Variants in SPOCK3 observed in about 807,000 individuals in gnomAD.
SPOCK3 encodes testican-3.
In SPOCK3, 30 loss-of-function variants were observed where a neutral mutation model predicts 56.6. The observed-to-expected ratio is 0.53, with a 90% CI of 0.40 to 0.72. The LOEUF (loss-of-function observed/expected upper bound fraction) is 0.72, where lower values mean the gene tolerates loss of function less well. Ranked by LOEUF, SPOCK3 falls within the 30% of genes least tolerant of loss-of-function variation. SPOCK3 has a pLI of 0.00. For synonymous variants in SPOCK3, 196 were observed against 183.3 expected, an observed-to-expected ratio of 1.07 and a Z score of -0.56; for missense variants, 527 against 530.0, an observed-to-expected ratio of 0.99 and a Z score of 0.06.
intron 3 of SPOCK3, among the ~76,000 whole-genome samples, chr4:167,057,833 TA>T (rs1361685465): frequency 6.6e-6 from 1 of 152,050 alleles, no homozygotes; most frequent in East Asian, 1.9e-4. Context: ...CACACAATAA[TA>T]ATGGGAGCCT....
intron 2 of SPOCK3, among the ~76,000 whole-genome samples, chr4:167,180,869 GATA>G (rs1731395758): frequency 6.6e-6 from 1 of 152,098 alleles, no homozygotes; most frequent in African/African-American, 2.4e-5. Flanking sequence ...CCGATGAGGT[GATA>G]ATAAGTAGAT....
At chr4:167,198,221 C>T (rs886920112) in intron 2 of SPOCK3, among the ~76,000 whole-genome samples, 1 of 152,078 alleles carries the variant, frequency 6.6e-6, no homozygotes, top group African/African-American at 2.4e-5. Context: ...GTTATTAATA[C>T]TATCATAAAC....
Position 166,790,240 on chromosome 4 carries a change from T to C in SPOCK3, c.709+1930A>G, listed in dbSNP as rs114324851. Among the ~76,000 whole-genome samples, 1,258 of 152,260 alleles carry C rather than the reference T, an allele frequency of 8.3e-3. 11 individuals carry two copies. Among genetic ancestry groups the C allele is most frequent in the African/African-American group, 0.029 (1,189 of 41,558 alleles). On this transcript the variant is annotated intron_variant, in intron 7 of 10. Transcript: ENST00000357545. Reference sequence around the variant, plus strand: ...TGGTTGGGAGAGAGACAGAGACATTTAAATAAACAAGTAGATTATCACTAT... The same window carrying C: ...TGGTTGGGAGAGAGACAGAGACATTCAAATAAACAAGTAGATTATCACTAT...
rs1279420425 is a variant in SPOCK3, at chr4:166,951,412, A to T, written c.351-38669T>A. Among the ~76,000 whole-genome samples the T allele has an allele frequency of 3.5e-3, 497 of 140,254 alleles. 88 individuals are homozygous for T. Among genetic ancestry groups the T allele is most frequent in the African/African-American group, 0.014 (470 of 33,608 alleles). The allele number at this position is 140,254 out of a possible 152,430, so 92.0% of individuals were successfully genotyped here. On this transcript the variant is annotated intron_variant, in intron 4 of 10. Transcript: ENST00000357545. ...AGTTGAATCTCTGAATAGACCAATAACAGGAGCTGAAATTGAGGCAAGAAT... is the reference window on the plus strand; with the variant it reads ...AGTTGAATCTCTGAATAGACCAATATCAGGAGCTGAAATTGAGGCAAGAAT...
At position 167,155,799 on chromosome 4, in the gene SPOCK3, C is replaced by A. The variant is rs556560900; in HGVS notation, c.189+78186G>T. Among the ~76,000 whole-genome samples the A allele has an allele frequency of 2.0e-5, 3 of 151,908 alleles. No homozygotes were observed. In the South Asian group the frequency reaches 6.2e-4, roughly 32 times the overall value. ...AGCTGTATCTAATAGAAATACTATC[C>A]GAGCCACATATGAAATTTAAAATCT... is the stretch of plus-strand genomic sequence containing the variant. On this transcript the variant is annotated intron_variant, in intron 2 of 10. Transcript: ENST00000357545.
chr4:167,002,736 A>G lies in SPOCK3; in HGVS notation c.236-2273T>C, dbSNP rs72697602. 5.3e-3 allele frequency among the ~76,000 whole-genome samples: 812 copies of G among 152,308 alleles called. 2 individuals are homozygous for G. Among genetic ancestry groups the G allele is most frequent in the Non-Finnish European group, 9.2e-3 (627 of 68,010 alleles). ...AAAAAAGCTGTCTTCGAAATACTGC[A>G]CTACAAAAGTGTATGACTTCTTGTT... On this transcript the variant is annotated intron_variant, in intron 3 of 10. Transcript: ENST00000357545.
intron 4 of SPOCK3, among the ~76,000 whole-genome samples, chr4:166,925,739 C>A (rs1739020945): frequency 6.6e-6 from 1 of 151,922 alleles, no homozygotes; most frequent in Admixed American, 6.6e-5. Context: ...CAATCTTGGA[C>A]TTGAGAGTGT....
intron 3 of SPOCK3, among the ~76,000 whole-genome samples, chr4:167,057,831 A>C (rs905156326): frequency 6.6e-6 from 1 of 152,162 alleles, no homozygotes; most frequent in African/African-American, 2.4e-5. Context: ...CCCACACAAT[A>C]ATAATGGGAG....
chr4:167,136,723 C>T (rs894281393), intron 2 of SPOCK3, among the ~76,000 whole-genome samples: 2 of 152,074 alleles, frequency 1.3e-5, no homozygotes, highest in African/African-American at 4.8e-5. Context: ...AAATACCAGA[C>T]ATGAGTGTTT....
chr4:166,869,704 T>C (rs922842010), intron 6 of SPOCK3, among the ~76,000 whole-genome samples: 2 of 150,938 alleles, frequency 1.3e-5, no homozygotes, highest in Non-Finnish European at 2.9e-5. Flanking sequence ...ATTCCCATAC[T>C]TATACTAAGA....
At chr4:167,144,094 C>T (rs1763746299) in intron 2 of SPOCK3, among the ~76,000 whole-genome samples, 1 of 151,836 alleles carries the variant, frequency 6.6e-6, no homozygotes, top group African/African-American at 2.4e-5. Flanking sequence ...CTACTACTTG[C>T]TTCATATATT....
chr4:167,043,784 C>A (rs923350306), intron 3 of SPOCK3, among the ~76,000 whole-genome samples: 1 of 151,844 alleles, frequency 6.6e-6, no homozygotes, highest in African/African-American at 2.4e-5. Flanking sequence ...CCGAGATAAA[C>A]CTCACTTGAT....
At chr4:167,041,446 T>C (rs1753223604) in intron 3 of SPOCK3, among the ~76,000 whole-genome samples, 1 of 152,190 alleles carries the variant, frequency 6.6e-6, no homozygotes, top group South Asian at 2.1e-4. Flanking sequence ...CTAGAAGATC[T>C]AAAATCTGAT....
rs1381573450 is a variant in SPOCK3, at chr4:167,192,455, A to G, written c.189+41530T>C. Among the ~76,000 whole-genome samples, 4 of 145,804 alleles carry G rather than the reference A, an allele frequency of 2.7e-5. 1 individual carries two copies. Among genetic ancestry groups the G allele is most frequent in the South Asian group, 2.1e-4 (1 of 4,684 alleles). On this transcript the variant is annotated intron_variant, in intron 2 of 10. Coordinates refer to ENST00000357545, the MANE Select transcript of SPOCK3 (RefSeq NM_001040159.2). ...GAGAGACTTTTTTATTAATGTGTCAATCTTCACCCTTGTTATTGGCTTGTT... is the reference window on the plus strand; with the variant it reads ...GAGAGACTTTTTTATTAATGTGTCAGTCTTCACCCTTGTTATTGGCTTGTT...
chr4:167,076,837 G>C (rs946378608), intron 2 of SPOCK3, among the ~76,000 whole-genome samples: 4 of 151,734 alleles, frequency 2.6e-5, no homozygotes, highest in Non-Finnish European at 1.5e-5. Context: ...CCATCAAAAG[G>C]TAAAAATTAG....
chr4:166,984,262 G>C (rs937621638), intron 4 of SPOCK3, among the ~76,000 whole-genome samples: 2 of 151,946 alleles, frequency 1.3e-5, no homozygotes, highest in Non-Finnish European at 2.9e-5. Flanking sequence ...CCAGATTAAA[G>C]AGCAAGGTTG....
At chr4:166,797,793 G>A (rs1416573745) in intron 6 of SPOCK3, among the ~76,000 whole-genome samples, 1 of 152,016 alleles carries the variant, frequency 6.6e-6, no homozygotes. Flanking sequence ...TATTTATTGT[G>A]TATATCTGCT....
At chr4:166,947,146 AATAAC>A (rs1261914939) in intron 4 of SPOCK3, among the ~76,000 whole-genome samples, 1 of 152,166 alleles carries the variant, frequency 6.6e-6, no homozygotes, top group Admixed American at 6.6e-5. Context: ...GTGCTTCTGA[AATAAC>A]AAGTCACAAT....
upstream of SPOCK3, chr4:167,234,723 G>A (rs765994053): frequency 7.4e-4 from 120 of 162,802 alleles, no homozygotes; most frequent in Admixed American, 1.4e-3. Flanking sequence ...AGCTACAGTT[G>A]GCTCCGGATA....
Sources: allele counts gnomAD v4.1 joint callset (sites outside exome capture counted in the v4.1 genomes callset), GRCh38; gene constraint gnomAD v4.1.1; transcripts MANE v1.5; gene names NCBI Gene and HGNC (gene_info 2026-07-23, HGNC 2026-07-21).